Variants in FLVCR2 observed in about 807,000 individuals in gnomAD.
The protein encoded by FLVCR2 is FLVCR choline and putative heme transporter 2, also known as choline/ethanolamine transporter FLVCR2.
Under a neutral mutation model 48.9 loss-of-function variants are expected in FLVCR2, and 38 were observed. The observed-to-expected ratio is 0.78, with a 90% confidence interval of 0.60 to 1.02. The LOEUF is 1.02. Among genes scored for constraint, FLVCR2 ranks in the 50% least tolerant of loss-of-function variants. The pLI is 0.00. For synonymous variants in FLVCR2, 255 were observed against 257.0 expected, an observed-to-expected ratio of 0.99 and a Z score of 0.07; for missense variants, 664 against 663.3, an observed-to-expected ratio of 1.00 and a Z score of -0.01.
chr14:75,606,378 T>C (rs574508470), intron 1 of FLVCR2, among the ~76,000 whole-genome samples: 3 of 152,324 alleles, frequency 2.0e-5, no homozygotes, highest in Admixed American at 2.0e-4. Flanking sequence ...TTTGGGCTAG[T>C]AGCTGCCTTT....
rs762188421 is a variant in FLVCR2 at position 75,579,591 on chromosome 14, G to A, written c.619G>A (p.Gly207Arg). The change falls in exon 1 of 10, where the codon GGG becomes AGG. Residue 207 changes from glycine to arginine, a missense_variant. Transcript: ENST00000238667. ...MPSRIASVWF[G>R]ANEVSTACSV... ...CTCCCGCATCGCTTCCGTCTGGTTCGGGGCTAATGAGGTTTCAACAGCCTG... is the reference window on the plus strand; with the variant it reads ...CTCCCGCATCGCTTCCGTCTGGTTCAGGGCTAATGAGGTTTCAACAGCCTG... 7.4e-6 allele frequency: 12 copies of A among 1,613,888 alleles called. No homozygotes were observed. Among genetic ancestry groups the A allele is most frequent in the Admixed American group, 1.7e-5 (1 of 59,990 alleles).
intron 1 of FLVCR2, among the ~76,000 whole-genome samples, chr14:75,594,418 A>C (rs1170206125): frequency 6.6e-6 from 1 of 152,228 alleles, no homozygotes; most frequent in East Asian, 1.9e-4. Context: ...ATTTTCAGGT[A>C]TTTGTTATGG....
chr14:75,633,087 G>T, intron 3 of FLVCR2: 1 of 642,812 alleles, frequency 1.6e-6, no homozygotes, highest in Non-Finnish European at 2.8e-6. Context: ...AGAGTCAACT[G>T]AATGCTCTTT....
At chr14:75,599,791 A>C (rs1309233638) in intron 1 of FLVCR2, among the ~76,000 whole-genome samples, 1 of 152,260 alleles carries the variant, frequency 6.6e-6, no homozygotes, top group Non-Finnish European at 1.5e-5. Context: ...AAGAGAGTCC[A>C]GATATAAACC....
chr14:75,646,437 A>G lies in FLVCR2; in HGVS notation c.1546A>G (p.Lys516Glu), dbSNP rs372273817. 2.5e-6 allele frequency: 4 copies of G among 1,613,930 alleles called. No individual in the cohort carries two copies. Among genetic ancestry groups the G allele is most frequent in the African/African-American group, 1.3e-5 (1 of 74,916 alleles). ...GGAGGAGGAGGAGAGCAACACCAGC[A>G]AAGTGCCCACTGCTGTGTCAGAGGA... Reference protein sequence around the residue: ...QEEEEESNTSKVPTAVSEDHL With the variant: ...QEEEEESNTSEVPTAVSEDHL The change falls in exon 10 of 10, where the codon AAA becomes GAA. Residue 516 changes from lysine (K) to glutamate (E), a missense_variant. Physicochemically the swap from Lys to Glu is moderately conservative, Grantham distance 56. Transcript: ENST00000238667.
At chr14:75,588,213 A>T (rs1056944868) in intron 1 of FLVCR2, among the ~76,000 whole-genome samples, 1 of 152,228 alleles carries the variant, frequency 6.6e-6, no homozygotes, top group Non-Finnish European at 1.5e-5. Context: ...TTTAGCTTAC[A>T]GTTTGAGAGG....
intron 3 of FLVCR2, among the ~76,000 whole-genome samples, chr14:75,627,836 G>A (rs1330456706): frequency 6.6e-6 from 1 of 152,170 alleles, no homozygotes; most frequent in African/African-American, 2.4e-5. Flanking sequence ...GTCCATATGG[G>A]GTTCTTTGCC....
intron 1 of FLVCR2, among the ~76,000 whole-genome samples, chr14:75,580,775 G>A (rs1439853508): frequency 6.6e-6 from 1 of 152,120 alleles, no homozygotes; most frequent in Non-Finnish European, 1.5e-5. Flanking sequence ...ATCAATTAGG[G>A]TGGGGCGAAA....
At chr14:75,621,459 T>G (rs920740974) in intron 1 of FLVCR2, among the ~76,000 whole-genome samples, 6 of 149,216 alleles carry the variant, frequency 4.0e-5, no homozygotes, top group East Asian at 2.0e-4. Context: ...TTGTTGGGGG[T>G]GTGTGTGTGT....
At chr14:75,642,625 T>C (rs1373163102) in intron 9 of FLVCR2, among the ~76,000 whole-genome samples, 8 of 152,194 alleles carry the variant, frequency 5.3e-5, no homozygotes, top group Non-Finnish European at 2.9e-5. Context: ...AGGTAATACA[T>C]GCTCTTTGTA....
intron 9 of FLVCR2, among the ~76,000 whole-genome samples, chr14:75,645,917 C>CAAAA (rs33996926): frequency 3.5e-4 from 33 of 93,904 alleles, no homozygotes; most frequent in Non-Finnish European, 6.3e-5. Flanking sequence ...GACTCCATCT[C>CAAAA]AAAAAAAAAA....
chr14:75,646,708 A>G lies in FLVCR2; in HGVS notation c.*236A>G. 1.9e-6 allele frequency: 1 copy of G among 536,556 alleles called. No homozygotes were observed. The highest frequency in any genetic ancestry group is 3.5e-6 in the Non-Finnish European group (1 of 289,400). The allele number at this position is 536,556 out of a possible 1,614,324, so 33.2% of individuals were successfully genotyped here. On this transcript the variant is annotated 3_prime_UTR_variant, in exon 10 of 10. Coordinates refer to ENST00000238667, the MANE Select transcript of FLVCR2 (RefSeq NM_017791.3). ...TTGATTCCCACCTCCACCCCCTTTT[A>G]GGTTATGGGAGTTGGTGTTGGGACA...
intron 1 of FLVCR2, among the ~76,000 whole-genome samples, chr14:75,581,165 G>T (rs1365555221): frequency 6.6e-6 from 1 of 152,166 alleles, no homozygotes; most frequent in Non-Finnish European, 1.5e-5. Flanking sequence ...TAGAATGATT[G>T]GTGATGGCCT....
At chr14:75,631,696 A>G in intron 3 of FLVCR2, 2 of 451,712 alleles carry the variant, frequency 4.4e-6, no homozygotes, top group Non-Finnish European at 8.9e-6. Flanking sequence ...GAGGAGCGGG[A>G]GGAATGAATG....
In FLVCR2 at chr14:75,578,848, T is replaced by A. The variant is rs914205767; in HGVS notation, c.-125T>A. On this transcript the variant is annotated 5_prime_UTR_variant, in exon 1 of 10. Transcript: ENST00000238667. ...CCACTTGAGGCTTTTACGCAGCCTC[T>A]AGTCTCTGTTTCTTCTGGAATAGGC... 43 of 874,782 alleles carry A rather than the reference T, an allele frequency of 4.9e-5. 1 individual carries two copies. The East Asian group carries it at 1.0e-3, about 21-fold the overall frequency. 54.2% of individuals were successfully genotyped at this position (874,782 alleles called of 1,614,324 possible). A position where few individuals can be genotyped will look rare whatever the true frequency, so the allele number is the denominator to read the frequency against.
chr14:75,596,879 C>A (rs778768311), intron 1 of FLVCR2, among the ~76,000 whole-genome samples: 4 of 143,534 alleles, frequency 2.8e-5, no homozygotes, highest in Middle Eastern at 4.0e-3. Flanking sequence ...TGGAATCATA[C>A]TTGTCCTTCT....
At chr14:75,587,523 T>C (rs1443271224) in intron 1 of FLVCR2, among the ~76,000 whole-genome samples, 6 of 151,842 alleles carry the variant, frequency 4.0e-5, no homozygotes, top group Non-Finnish European at 5.9e-5. Flanking sequence ...GAGGGTGGAG[T>C]CTTTAGCAGG....
chr14:75,607,349 G>A (rs1347376551), intron 1 of FLVCR2, among the ~76,000 whole-genome samples: 1 of 152,200 alleles, frequency 6.6e-6, no homozygotes, highest in Admixed American at 6.5e-5. Flanking sequence ...GGTAAACGGA[G>A]GTGCAATTAA....
chr14:75,599,810 T>C (rs1566785883), intron 1 of FLVCR2, among the ~76,000 whole-genome samples: 1 of 152,234 alleles, frequency 6.6e-6, no homozygotes, highest in Non-Finnish European at 1.5e-5. Flanking sequence ...CCCTTGTGTA[T>C]GTGGTCAAAT....
Sources: allele counts gnomAD v4.1 joint callset (sites outside exome capture counted in the v4.1 genomes callset), GRCh38; gene constraint gnomAD v4.1.1; transcripts MANE v1.5; gene names NCBI Gene and HGNC (gene_info 2026-07-23, HGNC 2026-07-21).